HHAT: variants seen among roughly 807,000 people sequenced by gnomAD.
HHAT encodes the protein hedgehog acyltransferase, also known as protein-cysteine N-palmitoyltransferase HHAT.
Under a neutral mutation model 70.8 loss-of-function variants are expected in HHAT, and 47 were observed. The observed-to-expected ratio is 0.66, with a 90% CI of 0.53 to 0.85. The LOEUF is 0.85. Among genes scored for constraint, HHAT ranks in the 40% least tolerant of loss-of-function variants. The pLI, the probability that HHAT is intolerant of heterozygous loss-of-function variation, is 0.00. For synonymous variants in HHAT, 228 were observed against 247.6 expected, an observed-to-expected ratio of 0.92 and a Z score of 0.74; for missense variants, 609 against 604.8, an observed-to-expected ratio of 1.01 and a Z score of -0.07.
At chr1:210,415,955 G>A (rs1033389080) in intron 6 of HHAT, among the ~76,000 whole-genome samples, 18 of 151,758 alleles carry the variant, frequency 1.2e-4, no homozygotes, top group South Asian at 2.1e-4. Context: ...CACCGTCCTC[G>A]GCCTAATTTA....
At chr1:210,630,598 T>C (rs1264174007) in intron 11 of HHAT, among the ~76,000 whole-genome samples, 3 of 152,348 alleles carry the variant, frequency 2.0e-5, no homozygotes, top group Middle Eastern at 3.4e-3. Flanking sequence ...TCCAATTCTT[T>C]GGTAACAGCC....
chr1:210,387,547 T>C lies in HHAT; in HGVS notation c.239T>C (p.Val80Ala). The C allele has an allele frequency of 6.2e-7, 1 of 1,614,030 alleles. No homozygotes were observed. Among genetic ancestry groups the C allele is most frequent in the Non-Finnish European group, 8.5e-7 (1 of 1,179,942 alleles). Residue 80 changes from valine (V) to alanine (A), a missense_variant, in exon 4 of 12, where the codon GTA becomes GCA. Val to Ala is a moderately conservative substitution (Grantham distance 64, BLOSUM62 0). Coordinates refer to ENST00000261458, the MANE Select transcript of HHAT (RefSeq NM_018194.6). ...WLVWLLLGHM[V>A]VSQMATLLAR... ...GTGTGGCTTCTCCTTGGCCACATGGTAGTGTCTCAAATGGCCACACTGCTG... is the reference window on the plus strand; with the variant it reads ...GTGTGGCTTCTCCTTGGCCACATGGCAGTGTCTCAAATGGCCACACTGCTG...
At chr1:210,341,068 G>A (rs2086002097) in intron 1 of HHAT, among the ~76,000 whole-genome samples, 1 of 152,190 alleles carries the variant, frequency 6.6e-6, no homozygotes, top group Non-Finnish European at 1.5e-5. Flanking sequence ...TTCAGCATAG[G>A]AAATCTGTAA....
At chr1:210,626,030 A>G (rs1291021378) in intron 11 of HHAT, among the ~76,000 whole-genome samples, 1 of 152,222 alleles carries the variant, frequency 6.6e-6, no homozygotes, top group Non-Finnish European at 1.5e-5. Flanking sequence ...CCCAAGAGGC[A>G]GTTGGAAATA....
chr1:210,660,066 C>T lies in HHAT; in HGVS notation c.1391-14222C>T, dbSNP rs1374708151. 2.0e-5 allele frequency among the ~76,000 whole-genome samples: 3 copies of T among 152,016 alleles called. No homozygotes were observed. In the East Asian group the frequency reaches 5.8e-4, roughly 29 times the overall value. The stretch of plus-strand genomic sequence containing the variant: ...TCAACATAGTGTTGGAAGTTCTGGC[C>T]AGGGCAATCAGGAGAAAGAAATAAA... On this transcript the variant is annotated intron_variant, in intron 11 of 11. Coordinates refer to ENST00000261458, the MANE Select transcript of HHAT (RefSeq NM_018194.6).
chr1:210,600,934 G>A (rs1558249259), intron 10 of HHAT, among the ~76,000 whole-genome samples: 1 of 151,956 alleles, frequency 6.6e-6, no homozygotes, highest in Non-Finnish European at 1.5e-5. Flanking sequence ...CTCCCAGCCT[G>A]GCCTCCGCCT....
At chr1:210,369,010 G>A (rs992581654) in intron 3 of HHAT, among the ~76,000 whole-genome samples, 9 of 152,078 alleles carry the variant, frequency 5.9e-5, no homozygotes, top group African/African-American at 1.9e-4. Context: ...CCCGGGAGGC[G>A]GAGGTTGCAG....
intron 9 of HHAT, among the ~76,000 whole-genome samples, chr1:210,517,732 A>G (rs955990679): frequency 6.6e-6 from 1 of 152,238 alleles, no homozygotes; most frequent in Non-Finnish European, 1.5e-5. Context: ...GAAGAAATGC[A>G]TGTGTTAATT....
intron 9 of HHAT, among the ~76,000 whole-genome samples, chr1:210,579,736 A>T (rs1347113957): frequency 6.6e-6 from 1 of 152,184 alleles, no homozygotes; most frequent in Non-Finnish European, 1.5e-5. Flanking sequence ...TTCTTGTCCC[A>T]TACTTCGCCA....
Position 210,433,596 on chromosome 1 carries a change from T to C in HHAT, c.856+15271T>C, listed in dbSNP as rs376599156. Among the ~76,000 whole-genome samples, 7 of 151,934 alleles carry C rather than the reference T, an allele frequency of 4.6e-5. No homozygotes were observed. The South Asian group carries it at 1.2e-3, about 27-fold the overall frequency. On this transcript the variant is annotated intron_variant, in intron 7 of 11. Transcript: ENST00000261458. ...AAAAAAACAGTGGTGGCTGCTTGTC[T>C]GTCAGGGCTCCGTTGCTACTCCCTG... is the stretch of plus-strand genomic sequence containing the variant.
intron 5 of HHAT, among the ~76,000 whole-genome samples, 191 bp downstream of exon 5, chr1:210,400,853 T>G (rs2092035010): frequency 6.6e-6 from 1 of 152,230 alleles, no homozygotes; most frequent in African/African-American, 2.4e-5. Flanking sequence ...TTCCTGGCTG[T>G]GTTTTAGCCC....
intron 3 of HHAT, chr1:210,374,213 C>A (rs566665487): frequency 6.6e-6 from 1 of 152,100 alleles, no homozygotes; most frequent in African/African-American, 2.4e-5. Flanking sequence ...TTTCTCTCCA[C>A]GGAAATCTTT....
chr1:210,626,950 A>T (rs952346302), intron 11 of HHAT, among the ~76,000 whole-genome samples: 11 of 152,234 alleles, frequency 7.2e-5, no homozygotes, highest in Non-Finnish European at 1.3e-4. Context: ...CCTGGGACAC[A>T]TGATCAGTTC....
At chr1:210,364,267 G>A (rs2088666819) in intron 3 of HHAT, among the ~76,000 whole-genome samples, 1 of 152,172 alleles carries the variant, frequency 6.6e-6, no homozygotes, top group African/African-American at 2.4e-5. Context: ...AATGTAATGT[G>A]GGTAGTATTG....
chr1:210,397,532 T>A (rs1243855509), intron 4 of HHAT, among the ~76,000 whole-genome samples: 1 of 149,970 alleles, frequency 6.7e-6, no homozygotes, highest in Non-Finnish European at 1.5e-5. Context: ...TCAGAAGTGT[T>A]GTTTTGGAAC....
intron 7 of HHAT, among the ~76,000 whole-genome samples, chr1:210,441,574 G>A (rs138678271): frequency 5.3e-5 from 8 of 152,212 alleles, no homozygotes; most frequent in Non-Finnish European, 1.2e-4. Context: ...TTTAGATTTT[G>A]ACAAGGATAG....
chr1:210,498,519 G>A (rs1232870273), intron 8 of HHAT, among the ~76,000 whole-genome samples: 1 of 152,134 alleles, frequency 6.6e-6, no homozygotes, highest in Non-Finnish European at 1.5e-5. Context: ...GCCCCTTTAT[G>A]TTCTCACCTG....
chr1:210,530,085 A>C (rs1164117033), intron 9 of HHAT, among the ~76,000 whole-genome samples: 1 of 152,196 alleles, frequency 6.6e-6, no homozygotes, highest in African/African-American at 2.4e-5. Flanking sequence ...TGCCAGTTCA[A>C]ATGTTTCTGC....
At chr1:210,644,602 CAAA>C (rs57190952) in intron 11 of HHAT, among the ~76,000 whole-genome samples, 5,690 of 63,306 alleles carry the variant, frequency 0.09, 100 homozygotes, top group Non-Finnish European at 0.1. Flanking sequence ...GACTCCATCT[CAAA>C]AAAAAAAAAA....
Sources: allele counts gnomAD v4.1 joint callset (sites outside exome capture counted in the v4.1 genomes callset), GRCh38; gene constraint gnomAD v4.1.1; transcripts MANE v1.5; gene names NCBI Gene and HGNC (gene_info 2026-07-23, HGNC 2026-07-21).